Variants in RAB2B observed in about 807,000 individuals in gnomAD.
RAB2B encodes the protein RAB2B, member RAS oncogene family, also known as ras-related protein Rab-2B.
Under a neutral mutation model 29.8 loss-of-function variants are expected in RAB2B, and 20 were observed. The ratio of observed to expected loss-of-function variants is 0.67; its 90% CI spans 0.47 to 0.97. The LOEUF (loss-of-function observed/expected upper bound fraction) is 0.97, where lower values mean the gene tolerates loss of function less well. RAB2B is among the 50% of genes least tolerant of loss of function. The pLI, the probability that RAB2B is intolerant of heterozygous loss-of-function variation, is 0.00. For synonymous variants in RAB2B, 93 were observed against 91.7 expected (o/e 1.01, Z -0.08); for missense variants, 218 against 272.0 (o/e 0.80, Z 1.40).
intron 6 of RAB2B, 150 bp from the exon 7 acceptor site, chr14:21,462,568 G>A (rs908714183): frequency 4.9e-5 from 35 of 715,314 alleles, no homozygotes; most frequent in Middle Eastern, 8.6e-4. Context: ...GGTTGGGTGC[G>A]GTGGCTCATG....
chr14:21,473,682 G>C (rs1168551852), intron 3 of RAB2B, among the ~76,000 whole-genome samples: 1 of 152,030 alleles, frequency 6.6e-6, no homozygotes, highest in African/African-American at 2.4e-5. Flanking sequence ...GTTCAACACC[G>C]GCCTGGCCAA....
At chr14:21,475,462 G>A (rs1594418059) in intron 2 of RAB2B, among the ~76,000 whole-genome samples, 1 of 130,294 alleles carries the variant, frequency 7.7e-6, no homozygotes, top group Non-Finnish European at 1.6e-5. Flanking sequence ...ATGGAGTCTC[G>A]CTCCGTCACC....
chr14:21,476,483 TAGTC>T, intron 2 of RAB2B, 41 bp downstream of exon 2: 1 of 1,609,812 alleles, frequency 6.2e-7, no homozygotes, highest in Non-Finnish European at 8.5e-7. Flanking sequence ...GCAATTTAGC[TAGTC>T]AGGTTTTATC....
Position 21,461,250 on chromosome 14 carries a change from G to A in RAB2B, c.597C>T (p.Pro199=), listed in dbSNP as rs765160261. ...PQQSISTSVG[P]SASQRNSRDI... The stretch of plus-strand genomic sequence containing the variant: ...CACGAGAGTTCCGCTGGGAGGCACT[G>A]GGTCCCACTGATGTTGAAATTGACT... The change falls in exon 8 of 8, where the codon CCC becomes CCT. Residue 199 remains proline, a synonymous_variant. Transcript: ENST00000397762. 9 of 1,613,834 alleles carry A rather than the reference G, an allele frequency of 5.6e-6. No homozygotes were observed. The African/African-American group carries it at 1.2e-4, about 22-fold the overall frequency.
intron 3 of RAB2B, among the ~76,000 whole-genome samples, chr14:21,470,038 G>A (rs1037234225): frequency 1.4e-4 from 20 of 145,970 alleles, no homozygotes; most frequent in Admixed American, 5.0e-4. Flanking sequence ...TGCAACCTCC[G>A]CCTCCCAGGT....
chr14:21,473,429 A>G (rs1487735951), intron 3 of RAB2B, among the ~76,000 whole-genome samples: 1 of 152,230 alleles, frequency 6.6e-6, no homozygotes, highest in Admixed American at 6.5e-5. Context: ...CATGAAAGCA[A>G]TTTATCTGGA....
At chr14:21,465,990 GGT>G (rs1890676892) in intron 5 of RAB2B, among the ~76,000 whole-genome samples, 1 of 152,136 alleles carries the variant, frequency 6.6e-6, no homozygotes, top group Admixed American at 6.5e-5. Context: ...ATCAAAAGTA[GGT>G]ACCCTGTTAT....
chr14:21,476,344 C>G lies in RAB2B; in HGVS notation c.118+184G>C, dbSNP rs554085093. ...AAAAGTTACCTTTCAATTATATACTCTCCCTTACACTACTCCCCACATATC... is the reference window on the plus strand; with the variant it reads ...AAAAGTTACCTTTCAATTATATACTGTCCCTTACACTACTCCCCACATATC... On this transcript the variant is annotated intron_variant, in intron 2 of 7. Coordinates refer to ENST00000397762, the MANE Select transcript of RAB2B (RefSeq NM_032846.4). The G allele has an allele frequency of 1.1e-4, 70 of 614,710 alleles. No homozygotes were observed. In the African/African-American group the frequency reaches 1.3e-3, roughly 11 times the overall value. The allele number at this position is 614,710 out of a possible 1,614,324, so 38.1% of individuals were successfully genotyped here.
At chr14:21,476,266 T>A (rs918700749) in intron 2 of RAB2B, 1 of 417,472 alleles carries the variant, frequency 2.4e-6, no homozygotes, top group Admixed American at 3.9e-5. Flanking sequence ...TCCATAAACA[T>A]ACAAATTGTA....
At chr14:21,468,314 A>G in intron 5 of RAB2B, 43 bp downstream of exon 5, 1 of 1,436,036 alleles carries the variant, frequency 7.0e-7, no homozygotes, top group Non-Finnish European at 9.8e-7. Flanking sequence ...TAGAGTACCT[A>G]GATGACTCCT....
intron 3 of RAB2B, chr14:21,474,666 T>C: frequency 1.9e-6 from 1 of 534,132 alleles, no homozygotes; most frequent in South Asian, 2.8e-5. Flanking sequence ...GAATAAACTA[T>C]TACTTGGATC....
In RAB2B at chr14:21,468,715, T is replaced by C; in HGVS notation, c.224A>G (p.Tyr75Cys). Residue 75 changes from tyrosine (Y) to cysteine (C), a missense_variant, in exon 4 of 8, where the codon TAC (tyrosine) becomes TGC (cysteine). By Grantham distance (194) the Tyr-to-Cys change is radical. Transcript: ENST00000397762. ...QESFRSITRS[Y>C]YRGAAGALLV... ...CAGTGCTCCAGCTGCTCCCCTGTAG[T>C]AGGAACGGGTGATAGAACGGAAGGA... 1 of 1,575,370 alleles carries C rather than the reference T, an allele frequency of 6.3e-7. No homozygotes were observed.
chr14:21,462,243 A>T (rs1237047715), intron 7 of RAB2B, 107 bp downstream of exon 7: 3 of 858,702 alleles, frequency 3.5e-6, no homozygotes, highest in Middle Eastern at 2.4e-4. Context: ...CAGAGCTTTT[A>T]AATTGTATAA....
At chr14:21,476,800 C>G in intron 1 of RAB2B, 27 bp downstream of exon 1, 10 of 1,613,034 alleles carry the variant, frequency 6.2e-6, no homozygotes, top group Non-Finnish European at 8.5e-6. Flanking sequence ...CCGCCCGAGC[C>G]TTGAAGGCGA....
rs751693900 is a variant in RAB2B, at chr14:21,476,885, T to G, written c.-13A>C. The G allele has an allele frequency of 5.0e-6, 8 of 1,613,254 alleles. No homozygotes were observed. In the South Asian group the frequency reaches 5.5e-5, roughly 11 times the overall value. On this transcript the variant is annotated 5_prime_UTR_variant, in exon 1 of 8. Transcript: ENST00000397762. ...AAGCATAAGTCATGGTGTCGCGTCC[T>G]CTGGGTTCCGGGTCCGCCCGACTTC...
At chr14:21,463,827 C>A in intron 5 of RAB2B, 60 bp from the exon 6 acceptor site, 1 of 1,139,472 alleles carries the variant, frequency 8.8e-7, no homozygotes, top group South Asian at 1.3e-5. Context: ...AGAGGAAAGT[C>A]TATTTCTAAA....
At position 21,460,723 on chromosome 14, in the gene RAB2B, C is replaced by G. The variant is rs1890533074; in HGVS notation, c.*473G>C. On this transcript the variant is annotated 3_prime_UTR_variant, in exon 8 of 8. Coordinates refer to ENST00000397762, the MANE Select transcript of RAB2B (RefSeq NM_032846.4). ...TCACCTCCTGGGTTCAAGCGATTCT[C>G]CTGCCTTGGCCTCCCGAGTACCTGG... 6.5e-6 allele frequency: 1 copy of G among 152,906 alleles called. No individual in the cohort carries two copies. Among genetic ancestry groups the G allele is most frequent in the African/African-American group, 2.4e-5 (1 of 41,406 alleles). 9.5% of individuals were successfully genotyped at this position (152,906 alleles called of 1,614,324 possible).
rs2139587926 is a variant in RAB2B at position 21,460,044 on chromosome 14, T to C, written c.*1152A>G. 4.6e-6 allele frequency: 2 copies of C among 430,690 alleles called. No individual in the cohort carries two copies. Among genetic ancestry groups the C allele is most frequent in the East Asian group, 5.7e-5 (1 of 17,612 alleles). The allele number at this position is 430,690 out of a possible 1,614,324, so 26.7% of individuals were successfully genotyped here. A position where few individuals can be genotyped will look rare whatever the true frequency, so the allele number is the denominator to read the frequency against. The stretch of plus-strand genomic sequence containing the variant: ...AAAGTTTTGAAGTTACACTAAGAGA[T>C]AGAAGCTAATAATAGGATAGTAGAG... On this transcript the variant is annotated 3_prime_UTR_variant, in exon 8 of 8. Transcript: ENST00000397762.
rs1890524342 is a variant in RAB2B at position 21,460,589 on chromosome 14, A to C, written c.*607T>G. On this transcript the variant is annotated 3_prime_UTR_variant, in exon 8 of 8. Transcript: ENST00000397762. ...ACAGAGTGAGACTCCATCCCCCCAA[A>C]AAAAAAAAAAAAAAAAGAAAAAAAA... The C allele has an allele frequency of 6.9e-6, 1 of 144,150 alleles. No homozygotes were observed. The highest frequency in any genetic ancestry group is 2.8e-5 in the African/African-American group (1 of 36,272). The allele number at this position is 144,150 out of a possible 1,614,324, so 8.9% of individuals were successfully genotyped here.
Sources: gnomAD v4.1 joint callset for allele counts (sites outside exome capture counted in the v4.1 genomes callset) on GRCh38, gnomAD v4.1.1 for gene constraint, MANE v1.5 for transcripts, NCBI Gene and HGNC (gene_info 2026-07-23, HGNC 2026-07-21) for gene names.